PKD2: variants seen among roughly 807,000 people sequenced by gnomAD.
PKD2 encodes polycystin-2.
PKD2 carries 48 observed loss-of-function variants against 105.9 expected under a neutral mutation model. That is an observed-to-expected ratio of 0.45 (90% CI 0.36 to 0.58). The LOEUF (loss-of-function observed/expected upper bound fraction) is 0.58. Among genes scored for constraint, PKD2 ranks in the 20% least tolerant of loss-of-function variants. The probability of loss-of-function intolerance (pLI) is 0.00; values close to 1 mark genes in which losing one functional copy is unlikely to be tolerated. For synonymous variants in PKD2, 464 were observed against 481.1 expected, an observed-to-expected ratio of 0.96 and a Z score of 0.46; for missense variants, 1,078 against 1,255.3, an observed-to-expected ratio of 0.86 and a Z score of 2.13.
At chr4:88,062,087 T>C in intron 10 of PKD2, 83 bp downstream of exon 10, 1 of 762,934 alleles carries the variant, frequency 1.3e-6, no homozygotes, top group Non-Finnish European at 2.4e-6. Context: ...AAATCAACAT[T>C]GATCCATTGA....
chr4:88,025,324 G>GGCT (rs980559152), intron 2 of PKD2, among the ~76,000 whole-genome samples: 1 of 151,942 alleles, frequency 6.6e-6, no homozygotes, highest in Non-Finnish European at 1.5e-5. Flanking sequence ...CAGGCATGGT[G>GGCT]ACGCACACCT....
In PKD2 at chr4:88,056,152, A is replaced by G; in HGVS notation, c.1783A>G (p.Lys595Glu). The G allele has an allele frequency of 6.2e-7, 1 of 1,613,602 alleles. No homozygotes were observed. The highest frequency in any genetic ancestry group is 8.5e-7 in the Non-Finnish European group (1 of 1,179,526). Residue 595 changes from lysine (K) to glutamate (E), a missense_variant, in exon 8 of 15, where the codon AAA (lysine) becomes GAA (glutamate). Physicochemically the swap from Lys to Glu is moderately conservative, Grantham distance 56 (BLOSUM62 1). Coordinates refer to ENST00000237596, the MANE Select transcript of PKD2 (RefSeq NM_000297.4). ...QLSTTMSRCA[K>E]DLFGFAIMFF... ...CTCGACAACCATGTCTCGATGTGCC[A>G]AAGACCTGTTTGGCTTTGCTATTAT... is the stretch of plus-strand genomic sequence containing the variant.
intron 2 of PKD2, among the ~76,000 whole-genome samples, chr4:88,032,248 A>G (rs1047133999): frequency 9.2e-5 from 14 of 152,172 alleles, no homozygotes; most frequent in Non-Finnish European, 1.5e-4. Flanking sequence ...CTATTCTACA[A>G]TACCCTTTAT....
chr4:88,053,832 T>C (rs1317661144), intron 7 of PKD2, among the ~76,000 whole-genome samples: 2 of 152,022 alleles, frequency 1.3e-5, no homozygotes, highest in Non-Finnish European at 2.9e-5. Flanking sequence ...GTGATGGAAA[T>C]GTTCTATATT....
chr4:88,036,436 A>G lies in PKD2; in HGVS notation c.843+83A>G, dbSNP rs1359520275. 16 of 1,596,848 alleles carry G rather than the reference A, an allele frequency of 1.0e-5. No homozygotes were observed. The East Asian group carries it at 3.6e-4, about 36-fold the overall frequency. ...TCATCATTTCAATGCATGAGTATCG[A>G]CAGGACCTGCTTTGCATTTAACACT... On this transcript the variant is annotated intron_variant, in intron 3 of 14. Transcript: ENST00000237596.
intron 2 of PKD2, among the ~76,000 whole-genome samples, chr4:88,020,651 C>T (rs960592853): frequency 6.6e-6 from 1 of 151,844 alleles, no homozygotes; most frequent in Non-Finnish European, 1.5e-5. Flanking sequence ...GACCCCAGAG[C>T]CTCCTACCAA....
At chr4:88,051,497 A>G (rs1360784331) in intron 6 of PKD2, among the ~76,000 whole-genome samples, 1 of 152,228 alleles carries the variant, frequency 6.6e-6, no homozygotes, top group Non-Finnish European at 1.5e-5. Flanking sequence ...GACATCTACT[A>G]TATTTTTGTT....
At chr4:88,074,020 TA>T (rs1248171903) in intron 13 of PKD2, among the ~76,000 whole-genome samples, 2 of 152,228 alleles carry the variant, frequency 1.3e-5, no homozygotes, top group African/African-American at 2.4e-5. Context: ...TAATATATTG[TA>T]AATCTAATTC....
chr4:88,031,171 A>T (rs539258343), intron 2 of PKD2, among the ~76,000 whole-genome samples: 1 of 152,342 alleles, frequency 6.6e-6, no homozygotes, highest in South Asian at 2.1e-4. Flanking sequence ...AGTGTATTGT[A>T]TTGCCAGATG....
intron 2 of PKD2, among the ~76,000 whole-genome samples, chr4:88,032,522 G>T (rs1462808537): frequency 6.6e-6 from 1 of 152,194 alleles, no homozygotes; most frequent in African/African-American, 2.4e-5. Context: ...TGGGAATTCA[G>T]TGGTTAAGAC....
chr4:88,021,559 G>T (rs989740965), intron 2 of PKD2, among the ~76,000 whole-genome samples: 1 of 152,106 alleles, frequency 6.6e-6, no homozygotes, highest in African/African-American at 2.4e-5. Context: ...CATATGGTCT[G>T]ACCTCACTGA....
intron 4 of PKD2, among the ~76,000 whole-genome samples, chr4:88,039,685 T>C (rs1727484003): frequency 6.8e-6 from 1 of 146,402 alleles, no homozygotes; most frequent in Admixed American, 6.7e-5. Context: ...AAAAACAAAT[T>C]TAGTGAAAAT....
At chr4:88,046,929 T>G (rs1295130166) in intron 6 of PKD2, 59 bp downstream of exon 6, 4 of 955,152 alleles carry the variant, frequency 4.2e-6, no homozygotes, top group East Asian at 2.4e-5. Flanking sequence ...TTAACTAGAG[T>G]CTTTGATCTC....
rs778460791 is a variant in PKD2 at position 88,038,498 on chromosome 4, C to A, written c.1091C>A (p.Thr364Asn). 6.2e-7 allele frequency: 1 copy of A among 1,613,886 alleles called. No individual in the cohort carries two copies. The highest frequency in any genetic ancestry group is 8.5e-7 in the Non-Finnish European group (1 of 1,179,758). Reference sequence around the variant, plus strand: ...GCTCCCTTTGGGCCCCGAAATGGAACCGCGTAAGTGTCTGTGACTCATTGC... The same window carrying A: ...GCTCCCTTTGGGCCCCGAAATGGAAACGCGTAAGTGTCTGTGACTCATTGC... ...DRAPFGPRNG[T>N]AWIYTSEKDL... Residue 364 changes from threonine (T) to asparagine (N), a missense_variant, in exon 4 of 15, where the codon ACC (threonine) becomes AAC (asparagine). Around this residue, in one of 2 missense-constraint regions of PKD2, gnomAD observed 868 missense variants for 1,067.3 expected, o/e 0.81. Coordinates refer to ENST00000237596, the MANE Select transcript of PKD2 (RefSeq NM_000297.4).
chr4:88,038,158 G>A (rs1469857044), intron 3 of PKD2, 93 bp from the exon 4 acceptor site: 1 of 1,283,592 alleles, frequency 7.8e-7, no homozygotes, highest in Non-Finnish European at 1.1e-6. Flanking sequence ...TTTTCATAGA[G>A]TTGCCAAATG....
At chr4:88,065,143 G>C (rs1451381471) in intron 10 of PKD2, among the ~76,000 whole-genome samples, 7 of 152,100 alleles carry the variant, frequency 4.6e-5, no homozygotes, top group African/African-American at 1.7e-4. Context: ...ATGAGTAAAA[G>C]ACCTTTAGTT....
intron 12 of PKD2, among the ~76,000 whole-genome samples, 158 bp from the exon 13 acceptor site, chr4:88,067,740 T>C (rs995743289): frequency 6.6e-6 from 1 of 152,266 alleles, no homozygotes; most frequent in Non-Finnish European, 1.5e-5. Context: ...TTTGCCAATC[T>C]ATGAAACTGA....
intron 2 of PKD2, among the ~76,000 whole-genome samples, chr4:88,021,295 GC>G (rs1432045949): frequency 2.6e-5 from 4 of 152,270 alleles, no homozygotes; most frequent in East Asian, 3.9e-4. Flanking sequence ...CCATAATGTA[GC>G]CTAGAGAAAC....
intron 2 of PKD2, among the ~76,000 whole-genome samples, chr4:88,035,576 C>G (rs1185524500): frequency 6.6e-6 from 1 of 152,036 alleles, no homozygotes; most frequent in Non-Finnish European, 1.5e-5. Context: ...GCAGCCATGG[C>G]CAAGGTTAGA....
Sources: allele counts gnomAD v4.1 joint callset (sites outside exome capture counted in the v4.1 genomes callset), GRCh38; gene constraint gnomAD v4.1.1; regional missense constraint gnomAD v4.1.1; transcripts MANE v1.5; gene names NCBI Gene and HGNC (gene_info 2026-07-23, HGNC 2026-07-21).